The following FSTL4 variants were observed in gnomAD, a reference collection of about 807,000 sequenced individuals.
FSTL4 encodes follistatin-related protein 4.
Under a neutral mutation model 78.2 loss-of-function variants are expected in FSTL4, and 28 were observed. The observed-to-expected ratio is 0.36, with a 90% confidence interval of 0.27 to 0.49. FSTL4 has a LOEUF of 0.49. Among genes scored for constraint, FSTL4 ranks in the 20% least tolerant of loss-of-function variants. The pLI, the probability that FSTL4 is intolerant of heterozygous loss-of-function variation, is 0.98. For synonymous variants in FSTL4, 422 were observed against 440.5 expected (o/e 0.96, Z 0.53); for missense variants, 922 against 1,084.9 (o/e 0.85, Z 2.11).
chr5:133,375,108 A>G (rs1176980810), intron 4 of FSTL4, among the ~76,000 whole-genome samples: 1 of 151,658 alleles, frequency 6.6e-6, no homozygotes, highest in African/African-American at 2.4e-5. Context: ...CCTGGTTGGC[A>G]GTCTCAACTT....
At chr5:133,651,847 G>A in the FSTL4 span, among the ~76,000 whole-genome samples, 1 of 152,084 alleles carries the variant, frequency 6.6e-6, no homozygotes, top group Non-Finnish European at 1.5e-5. Context: ...GAAAGAGATT[G>A]TAGAAACTTT....
At chr5:133,659,903 G>A in the FSTL4 span, among the ~76,000 whole-genome samples, 2 of 152,106 alleles carry the variant, frequency 1.3e-5, no homozygotes, top group African/African-American at 4.8e-5. Flanking sequence ...GTTATAGAGA[G>A]AAGAAAGGGA....
intron 3 of FSTL4, among the ~76,000 whole-genome samples, chr5:133,427,406 C>T (rs766940545): frequency 2.0e-5 from 3 of 152,192 alleles, no homozygotes; most frequent in Non-Finnish European, 2.9e-5. Flanking sequence ...AGTCCACTTC[C>T]GAGGCTTGCC....
chr5:133,207,409 G>T (rs1470539108), intron 14 of FSTL4, among the ~76,000 whole-genome samples: 2 of 152,060 alleles, frequency 1.3e-5, no homozygotes, highest in Admixed American at 6.6e-5. Flanking sequence ...CCCCTTTAAG[G>T]GCAACCTTTT....
At chr5:133,791,769 C>A in the FSTL4 span, among the ~76,000 whole-genome samples, 1 of 152,248 alleles carries the variant, frequency 6.6e-6, no homozygotes, top group African/African-American at 2.4e-5. Context: ...GGGCAGCTCC[C>A]CTCCTCCTCC....
chr5:133,720,579 A>C, the FSTL4 span: 1 of 153,974 alleles, frequency 6.5e-6, no homozygotes, highest in Admixed American at 6.5e-5. Flanking sequence ...CCTTGGAAAC[A>C]CTGTGTTTTC....
In FSTL4 at chr5:133,222,677, CAACA is replaced by C. The variant is rs374835243; in HGVS notation, c.1339+1509_1339+1512del. ...ACAGTCGGCCCTGGAATATGAGGCT[CAACA>C]AACAGTCATTCAACAAGTAATTGAC... On this transcript the variant is annotated intron_variant, in intron 11 of 15. Coordinates refer to ENST00000265342, the MANE Select transcript of FSTL4 (RefSeq NM_015082.2). Among the ~76,000 whole-genome samples the C allele has an allele frequency of 2.0e-4, 31 of 152,298 alleles. No individual in the cohort carries two copies. In the South Asian group the frequency reaches 5.2e-3, roughly 25 times the overall value.
intron 3 of FSTL4, among the ~76,000 whole-genome samples, chr5:133,499,695 G>T (rs1214242975): frequency 1.3e-5 from 2 of 152,134 alleles, no homozygotes; most frequent in Non-Finnish European, 2.9e-5. Context: ...CTGTGCTGGG[G>T]ATTTGGGGCC....
intron 4 of FSTL4, among the ~76,000 whole-genome samples, chr5:133,341,965 C>T (rs1012557750): frequency 2.6e-5 from 4 of 152,190 alleles, no homozygotes; most frequent in Admixed American, 6.5e-5. Flanking sequence ...CACTGTCTCC[C>T]AGGCACTCAG....
intron 7 of FSTL4, among the ~76,000 whole-genome samples, chr5:133,240,688 G>T (rs549175118): frequency 4.2e-4 from 64 of 152,322 alleles, no homozygotes; most frequent in African/African-American, 1.5e-3. Flanking sequence ...ATCTCTTCGC[G>T]CATGACTCAT....
chr5:133,810,329 G>A, the FSTL4 span, among the ~76,000 whole-genome samples: 1 of 152,204 alleles, frequency 6.6e-6, no homozygotes, highest in Non-Finnish European at 1.5e-5. Flanking sequence ...CAGCTCTCCA[G>A]ACATGATGGC....
At chr5:133,456,407 C>G (rs1757490440) in intron 3 of FSTL4, among the ~76,000 whole-genome samples, 1 of 152,232 alleles carries the variant, frequency 6.6e-6, no homozygotes, top group African/African-American at 2.4e-5. Context: ...GGGTTACACA[C>G]TTGGCTAGTG....
At chr5:133,358,919 A>G (rs966295734) in intron 4 of FSTL4, among the ~76,000 whole-genome samples, 2 of 152,224 alleles carry the variant, frequency 1.3e-5, no homozygotes, top group African/African-American at 4.8e-5. Flanking sequence ...AAACTGGAAT[A>G]TAAAGGAAAG....
chr5:133,756,031 C>T, the FSTL4 span, among the ~76,000 whole-genome samples: 4 of 152,160 alleles, frequency 2.6e-5, no homozygotes, highest in Non-Finnish European at 5.9e-5. Context: ...CTTCACAGAG[C>T]TTACATTCTA....
At chr5:133,220,056 C>A (rs1751040730) in intron 12 of FSTL4, among the ~76,000 whole-genome samples, 1 of 152,266 alleles carries the variant, frequency 6.6e-6, no homozygotes, top group African/African-American at 2.4e-5. Flanking sequence ...CTTGCCTGGG[C>A]CAAGCCCACT....
the FSTL4 span, among the ~76,000 whole-genome samples, chr5:133,794,593 T>C: frequency 6.6e-6 from 1 of 152,182 alleles, no homozygotes; most frequent in Non-Finnish European, 1.5e-5. Flanking sequence ...AGGTAACAAA[T>C]GTGTGAACAG....
At chr5:133,801,296 G>T in the FSTL4 span, among the ~76,000 whole-genome samples, 1 of 152,044 alleles carries the variant, frequency 6.6e-6, no homozygotes, top group South Asian at 2.1e-4. Flanking sequence ...ACTCAATGCC[G>T]AAGAACACGT....
chr5:133,632,844 ACT>A, the FSTL4 span, among the ~76,000 whole-genome samples: 1 of 151,910 alleles, frequency 6.6e-6, no homozygotes, highest in Non-Finnish European at 1.5e-5. Flanking sequence ...ACGTCACCAC[ACT>A]CAGCTAATTT....
chr5:133,642,174 T>A, the FSTL4 span, among the ~76,000 whole-genome samples: 16 of 151,844 alleles, frequency 1.1e-4, no homozygotes, highest in Admixed American at 9.2e-4. Context: ...AGGGGCAGGG[T>A]TTTTCTGGCA....
Sources: allele counts gnomAD v4.1 joint callset (sites outside exome capture counted in the v4.1 genomes callset), GRCh38; gene constraint gnomAD v4.1.1; transcripts MANE v1.5; gene names NCBI Gene and HGNC (gene_info 2026-07-23, HGNC 2026-07-21).